NEK2: variants seen among roughly 807,000 people sequenced by gnomAD.
The protein encoded by NEK2 is NIMA related kinase 2.
A neutral mutation model predicts 54.1 loss-of-function variants in NEK2; 28 were observed. The observed-to-expected ratio is 0.52, with a 90% CI of 0.38 to 0.71. NEK2 has a LOEUF of 0.71. Among genes scored for constraint, NEK2 ranks in the 30% least tolerant of loss-of-function variants. The probability of loss-of-function intolerance (pLI) is 0.00; values close to 1 mark genes in which losing one functional copy is unlikely to be tolerated. For missense variants in NEK2, 407 were observed against 531.5 expected (o/e 0.77, Z 2.30); for synonymous variants, 176 against 193.1 (o/e 0.91, Z 0.73).
chr1:211,660,509 C>T (rs1654990306), downstream of NEK2: 3 of 648,934 alleles, frequency 4.6e-6, no homozygotes, highest in Admixed American at 3.8e-5. Flanking sequence ...GTGGAGTCCC[C>T]AAAGAGGTCA....
chr1:211,667,012 T>C (rs547868816), intron 7 of NEK2, 94 bp downstream of exon 7: 2 of 1,553,070 alleles, frequency 1.3e-6, no homozygotes, highest in Admixed American at 4.5e-5. Flanking sequence ...GATTTGTAAA[T>C]GAAAAGGGCT....
downstream of NEK2, among the ~76,000 whole-genome samples, chr1:211,661,591 G>A (rs1022588899): frequency 3.3e-5 from 5 of 152,202 alleles, no homozygotes; most frequent in Non-Finnish European, 7.3e-5. Context: ...ATGTATAGTT[G>A]ATAAAAACCA....
At chr1:211,660,377 C>G, downstream of NEK2, 2 of 618,402 alleles carry the variant, frequency 3.2e-6, no homozygotes, top group East Asian at 7.4e-5. Flanking sequence ...TTCTTGGCCT[C>G]CTTCTGCCCC....
chr1:211,670,187 T>C, intron 5 of NEK2, 94 bp downstream of exon 5: 2 of 1,234,616 alleles, frequency 1.6e-6, no homozygotes, highest in East Asian at 2.5e-5. Flanking sequence ...TATTTAACGT[T>C]TCTTCAGTCT....
chr1:211,669,041 A>AAG lies in NEK2; in HGVS notation c.985+70_985+71dup, dbSNP rs1170337452. ...CTGTATGTATAAAATATTCTGCTCA[A>AAG]AGAGATATTCAGACACATCAAAATA... is the stretch of plus-strand genomic sequence containing the variant. On this transcript the variant is annotated intron_variant, in intron 6 of 7. Coordinates refer to ENST00000366999, the MANE Select transcript of NEK2 (RefSeq NM_002497.4). 71 of 1,322,294 alleles carry AAG rather than the reference A, an allele frequency of 5.4e-5. 1 individual carries two copies. The highest frequency in any genetic ancestry group is 5.1e-4 in the South Asian group (40 of 77,726). The allele number at this position is 1,322,294 out of a possible 1,614,324, so 81.9% of individuals were successfully genotyped here.
In NEK2 at chr1:211,662,800, T is replaced by G; in HGVS notation, c.*626A>C. The G allele has an allele frequency of 1.0e-6, 1 of 984,976 alleles. No individual in the cohort carries two copies. 61.0% of individuals were successfully genotyped at this position (984,976 alleles called of 1,614,324 possible). A position where few individuals can be genotyped will look rare whatever the true frequency, so the allele number is the denominator to read the frequency against. ...AGGGAAACTGAAGAATTCTTTTATT[T>G]AGTGGGAAAGAAGTAGGTAAATGAC... On this transcript the variant is annotated 3_prime_UTR_variant, in exon 8 of 8. Transcript: ENST00000366999. This position sits in a 1 kb window ranked among gnomAD's most constrained non-coding sequence, Gnocchi z 4.2.
chr1:211,660,895 T>C (rs1484649568), downstream of NEK2: 1 of 734,012 alleles, frequency 1.4e-6, no homozygotes, highest in Non-Finnish European at 2.6e-6. Flanking sequence ...GCCCAGCTTC[T>C]GATACCAGCA....
chr1:211,667,473 C>G (rs924676554), intron 6 of NEK2, among the ~76,000 whole-genome samples: 2 of 152,182 alleles, frequency 1.3e-5, no homozygotes, highest in African/African-American at 4.8e-5. Context: ...ACAAAGTTAG[C>G]TTCAACCTTT....
downstream of NEK2, among the ~76,000 whole-genome samples, chr1:211,661,473 G>T (rs1213029907): frequency 2.0e-5 from 3 of 152,184 alleles, no homozygotes; most frequent in African/African-American, 7.2e-5. Flanking sequence ...ATGGTTTGGG[G>T]ATTCAATCGA....
chr1:211,670,384 T>C lies in NEK2; in HGVS notation c.662A>G (p.Gln221Arg). ...TCTGATTTTCCCAGCGAGTTCTTTCTGGCTAAAAGCTGTAAATGGAGGCCT... is the reference window on the plus strand; with the variant it reads ...TCTGATTTTCCCAGCGAGTTCTTTCCGGCTAAAAGCTGTAAATGGAGGCCT... ...ALMPPFTAFS[Q>R]KELAGKIREG... Residue 221 changes from glutamine to arginine, a missense_variant, in exon 5 of 8, where the codon CAG (glutamine) becomes CGG (arginine). By Grantham distance (43) the Gln-to-Arg change is conservative. Coordinates refer to ENST00000366999, the MANE Select transcript of NEK2 (RefSeq NM_002497.4). The C allele has an allele frequency of 1.3e-5, 21 of 1,613,946 alleles. No individual in the cohort carries two copies. Among genetic ancestry groups the C allele is most frequent in the Non-Finnish European group, 1.4e-5 (16 of 1,179,866 alleles).
intron 2 of NEK2, 115 bp from the exon 3 acceptor site, chr1:211,673,838 T>G (rs1295025942): frequency 8.9e-7 from 1 of 1,128,954 alleles, no homozygotes; most frequent in African/African-American, 1.6e-5. Flanking sequence ...TTATTTATAT[T>G]TTTTGAGACA....
At position 211,662,970 on chromosome 1, in the gene NEK2, C is replaced by G. The variant is rs1175626213; in HGVS notation, c.*456G>C. ...CATGGTATTAATGACCAAATTGCAT[C>G]TAACTGGGTTTTCTAAGCTCAAAAA... On this transcript the variant is annotated 3_prime_UTR_variant, in exon 8 of 8. Transcript: ENST00000366999. This position sits in a 1 kb window ranked among gnomAD's most constrained non-coding sequence, Gnocchi z 4.2. 1.0e-6 allele frequency: 1 copy of G among 989,472 alleles called. No individual in the cohort carries two copies. The highest frequency in any genetic ancestry group is 1.2e-6 in the Non-Finnish European group (1 of 832,166). The allele number at this position is 989,472 out of a possible 1,614,324, so 61.3% of individuals were successfully genotyped here. A position where few individuals can be genotyped will look rare whatever the true frequency, so the allele number is the denominator to read the frequency against.
Position 211,673,540 on chromosome 1 carries a change from T to C in NEK2, c.498A>G (p.Leu166=). 2 of 1,614,080 alleles carry C rather than the reference T, an allele frequency of 1.2e-6. No individual in the cohort carries two copies. The highest frequency in any genetic ancestry group is 1.1e-5 in the South Asian group (1 of 91,078). The part of the protein sequence containing the change: ...KLGDFGLARI[L]NHDTSFAKTF... ...TTTTTGCAAAACTCGTGTCATGGTT[T>C]AATATTCTAGCTAGCCCAAAGTCTC... The change falls in exon 3 of 8, where the codon TTA becomes TTG. Residue 166 remains leucine, a synonymous_variant. Coordinates refer to ENST00000366999, the MANE Select transcript of NEK2 (RefSeq NM_002497.4).
chr1:211,664,461 T>C (rs756495689), intron 7 of NEK2, among the ~76,000 whole-genome samples: 21 of 152,100 alleles, frequency 1.4e-4, no homozygotes, highest in Non-Finnish European at 2.8e-4. Flanking sequence ...AAACAAGTAC[T>C]GGTGGGGAAT....
chr1:211,658,628 G>A (rs1238886829), downstream of NEK2: 1 of 442,466 alleles, frequency 2.3e-6, no homozygotes. Context: ...GCTGAAGTGG[G>A]AGGATTACTT....
intron 5 of NEK2, among the ~76,000 whole-genome samples, chr1:211,669,878 C>T (rs550438918): frequency 6.6e-6 from 1 of 152,298 alleles, no homozygotes; most frequent in African/African-American, 2.4e-5. Context: ...CGTCCGCCCT[C>T]CATCACCCCT....
downstream of NEK2, chr1:211,660,853 A>C: frequency 1.4e-6 from 1 of 714,774 alleles, no homozygotes; most frequent in Non-Finnish European, 2.6e-6. Context: ...TGCTTCCAGA[A>C]GCATAGCATC....
chr1:211,675,078 G>T (rs1006559054), intron 1 of NEK2, among the ~76,000 whole-genome samples: 1 of 152,184 alleles, frequency 6.6e-6, no homozygotes, highest in African/African-American at 2.4e-5. Flanking sequence ...CACTCTTAGA[G>T]CTCTAAAAAC....
intron 2 of NEK2, 146 bp downstream of exon 2, chr1:211,674,150 T>C (rs1173206349): frequency 3.1e-6 from 2 of 646,104 alleles, no homozygotes; most frequent in East Asian, 2.9e-5. Flanking sequence ...ATATGGGTGT[T>C]GATTCACCAG....
Sources: allele counts gnomAD v4.1 joint callset (sites outside exome capture counted in the v4.1 genomes callset), GRCh38; gene constraint gnomAD v4.1.1; non-coding constraint Gnocchi (gnomAD v3.1); transcripts MANE v1.5; gene names NCBI Gene and HGNC (gene_info 2026-07-23, HGNC 2026-07-21).